The following HTR2C variants were observed in gnomAD, a reference collection of about 807,000 sequenced individuals.
HTR2C encodes the protein 5-hydroxytryptamine receptor 2C, also known as 5-hydroxytryptamine (serotonin) receptor 2C, G protein-coupled.
HTR2C carries 5 observed loss-of-function variants against 21.0 expected under a neutral mutation model. That is an observed-to-expected ratio of 0.24 (90% CI 0.12 to 0.50). The LOEUF (loss-of-function observed/expected upper bound fraction) is 0.50. HTR2C is among the 20% of genes least tolerant of loss of function. The pLI, the probability that HTR2C is intolerant of heterozygous loss-of-function variation, is 0.98. For missense variants in HTR2C, 271 were observed against 371.2 expected, an observed-to-expected ratio of 0.73 and a Z score of 2.22; for synonymous variants, 150 against 145.3, an observed-to-expected ratio of 1.03 and a Z score of -0.23.
At chrX:114,754,216 C>A (rs1399923943) in intron 4 of HTR2C, among the ~76,000 whole-genome samples, 1 of 111,129 alleles carries the variant, frequency 9.0e-6, no homozygotes, top group African/African-American at 3.3e-5. Flanking sequence ...GGACACAATT[C>A]AGCTCACAAC....
rs1569496257 is a variant in HTR2C at position 114,807,359 on chromosome X, C to CGCCATATATCTAT, written c.350-40644_350-40643insGCCATATATCTAT. 3.2e-4 allele frequency among the ~76,000 whole-genome samples: 16 copies of CGCCATATATCTAT among 50,043 alleles called. 2 individuals carry two copies. The highest frequency in any genetic ancestry group is 8.4e-4 in the African/African-American group (15 of 17,843). 43.5% of individuals were successfully genotyped at this position (50,043 alleles called of 115,157 possible). A position where few individuals can be genotyped will look rare whatever the true frequency, so the allele number is the denominator to read the frequency against. ...ACCATGTATCTATACCATATATATA[C>CGCCATATATCTAT]ACCATATATCTATACCATATATATA... On this transcript the variant is annotated intron_variant, in intron 4 of 5. Coordinates refer to ENST00000276198, the MANE Select transcript of HTR2C (RefSeq NM_000868.4).
chrX:114,883,560 T>C (rs1345013058), intron 5 of HTR2C, among the ~76,000 whole-genome samples: 1 of 110,277 alleles, frequency 9.1e-6, no homozygotes, highest in Non-Finnish European at 1.9e-5. Context: ...TTTAAAATGA[T>C]AAACTTCTAA....
At chrX:114,889,468 A>G (rs2071243732) in intron 5 of HTR2C, among the ~76,000 whole-genome samples, 1 of 111,998 alleles carries the variant, frequency 8.9e-6, no homozygotes, top group African/African-American at 3.2e-5. Flanking sequence ...AATGCATACA[A>G]TCCTACACAT....
chrX:114,676,688 A>G (rs1311592756), intron 2 of HTR2C, among the ~76,000 whole-genome samples: 1 of 112,526 alleles, frequency 8.9e-6, no homozygotes, highest in Non-Finnish European at 1.9e-5. Context: ...GTGTCAAAAA[A>G]AGGCTCACAT....
At chrX:114,670,209 A>G (rs894664070) in intron 2 of HTR2C, among the ~76,000 whole-genome samples, 1 of 111,391 alleles carries the variant, frequency 9.0e-6, no homozygotes, top group Non-Finnish European at 1.9e-5. Flanking sequence ...CCTGGCCAAC[A>G]TGGTGAAACC....
intron 4 of HTR2C, among the ~76,000 whole-genome samples, chrX:114,818,468 A>G (rs1480668352): frequency 8.9e-6 from 1 of 112,156 alleles, no homozygotes; most frequent in Non-Finnish European, 1.9e-5. Context: ...CTATGCAGCT[A>G]AAGCAGATAC....
chrX:114,596,675 C>G (rs1927861510), intron 1 of HTR2C, among the ~76,000 whole-genome samples: 2 of 112,029 alleles, frequency 1.8e-5, no homozygotes, highest in Non-Finnish European at 3.8e-5. Context: ...TTATTTATAG[C>G]TTGTTCATGA....
chrX:114,737,146 A>T, intron 4 of HTR2C, among the ~76,000 whole-genome samples: 1 of 110,734 alleles, frequency 9.0e-6, no homozygotes. Flanking sequence ...GCAGTAATTG[A>T]CTGGGTAGAG....
intron 2 of HTR2C, chrX:114,651,736 A>G (rs1249136193): frequency 3.2e-5 from 4 of 123,783 alleles, no homozygotes; most frequent in Non-Finnish European, 5.6e-5. Context: ...TCCAAATTCT[A>G]TTCCACAACT....
chrX:114,798,301 A>C (rs1253409098), intron 4 of HTR2C, among the ~76,000 whole-genome samples: 1 of 110,849 alleles, frequency 9.0e-6, no homozygotes, highest in African/African-American at 3.3e-5. Flanking sequence ...GTCCATATCC[A>C]GGGTTTGTCC....
At chrX:114,720,303 G>A (rs1421581531) in intron 2 of HTR2C, among the ~76,000 whole-genome samples, 1 of 110,959 alleles carries the variant, frequency 9.0e-6, no homozygotes, top group Non-Finnish European at 1.9e-5. Context: ...AGGTAGCACT[G>A]ATAGAACTGA....
At chrX:114,696,138 C>T (rs781955596) in intron 2 of HTR2C, among the ~76,000 whole-genome samples, 1 of 111,154 alleles carries the variant, frequency 9.0e-6, no homozygotes, top group South Asian at 3.8e-4. Flanking sequence ...ATATAGGCAT[C>T]GGTACTTTTC....
At chrX:114,821,991 C>A (rs2070638001) in intron 4 of HTR2C, among the ~76,000 whole-genome samples, 1 of 105,423 alleles carries the variant, frequency 9.5e-6, no homozygotes, top group African/African-American at 3.5e-5. Flanking sequence ...GGCTTACAGG[C>A]ACGCAACATC....
intron 5 of HTR2C, among the ~76,000 whole-genome samples, chrX:114,888,356 A>G (rs782212655): frequency 1.8e-5 from 2 of 111,589 alleles, no homozygotes; most frequent in African/African-American, 6.5e-5. Context: ...TTCGGGACCC[A>G]GTATTTTCAG....
At chrX:114,807,700 G>A (rs943882931) in intron 4 of HTR2C, among the ~76,000 whole-genome samples, 16 of 105,445 alleles carry the variant, frequency 1.5e-4, no homozygotes, top group Admixed American at 3.1e-4. Flanking sequence ...TTGAGACGGA[G>A]TCTCACTCTA....
intron 4 of HTR2C, among the ~76,000 whole-genome samples, chrX:114,814,869 G>T (rs12689471): frequency 1.0e-5 from 1 of 95,984 alleles, no homozygotes; most frequent in South Asian, 4.3e-4. Flanking sequence ...TAGTATATAT[G>T]ATATATACTA....
intron 2 of HTR2C, among the ~76,000 whole-genome samples, chrX:114,624,820 G>A (rs1399090191): frequency 5.4e-5 from 6 of 111,456 alleles, no homozygotes; most frequent in Admixed American, 2.9e-4. Flanking sequence ...GTTTATTTGA[G>A]AGCTTATAAT....
chrX:114,883,878 C>A (rs2071201158), intron 5 of HTR2C, among the ~76,000 whole-genome samples: 2 of 110,074 alleles, frequency 1.8e-5, no homozygotes, highest in Admixed American at 2.0e-4. Context: ...TTCCTAGAAC[C>A]TATTTCCCCT....
chrX:114,830,753 A>C (rs2070716710), intron 4 of HTR2C, among the ~76,000 whole-genome samples: 1 of 103,793 alleles, frequency 9.6e-6, no homozygotes, highest in Admixed American at 1.1e-4. Flanking sequence ...TGTGCAGGTT[A>C]GTTACATATG....
Sources: allele counts gnomAD v4.1 joint callset (sites outside exome capture counted in the v4.1 genomes callset), GRCh38; gene constraint gnomAD v4.1.1; transcripts MANE v1.5; gene names NCBI Gene and HGNC (gene_info 2026-07-23, HGNC 2026-07-21).